The following XYLT1 variants were observed in gnomAD, a reference collection of about 807,000 sequenced individuals.
The protein encoded by XYLT1 is xylosyltransferase 1, also known as beta-D-xylosyltransferase 1.
A neutral mutation model predicts 91.3 loss-of-function variants in XYLT1; 36 were observed. The ratio of observed to expected loss-of-function variants is 0.39; its 90% CI spans 0.30 to 0.52. The LOEUF (loss-of-function observed/expected upper bound fraction) is 0.52. Ranked by LOEUF, XYLT1 falls within the 20% of genes least tolerant of loss-of-function variation. XYLT1 has a pLI of 0.68. For missense variants in XYLT1, 1,242 were observed against 1,284.5 expected (o/e 0.97, Z 0.51); for synonymous variants, 588 against 532.0 (o/e 1.11, Z -1.45).
At chr16:17,228,383 T>C (rs929685727) in intron 3 of XYLT1, among the ~76,000 whole-genome samples, 1 of 152,270 alleles carries the variant, frequency 6.6e-6, no homozygotes, top group Non-Finnish European at 1.5e-5. Context: ...TCTTAATTCC[T>C]GACTTCATTG....
chr16:17,143,832 CCAT>C (rs1328394237), intron 6 of XYLT1, among the ~76,000 whole-genome samples: 26 of 81,742 alleles, frequency 3.2e-4, no homozygotes, highest in Non-Finnish European at 1.5e-4. Context: ...GTCATCACCA[CCAT>C]CGTCATCATC....
intron 6 of XYLT1, among the ~76,000 whole-genome samples, chr16:17,154,124 T>C (rs1464743970): frequency 1.3e-5 from 2 of 152,228 alleles, no homozygotes; most frequent in Admixed American, 6.5e-5. Context: ...CGTGGGGCCT[T>C]CCTGTGGCCA....
chr16:17,346,892 TTC>T (rs1449159214), intron 2 of XYLT1, among the ~76,000 whole-genome samples: 4 of 152,220 alleles, frequency 2.6e-5, no homozygotes, highest in Admixed American at 1.3e-4. Flanking sequence ...TTCCACCCAG[TTC>T]TCTTTTGTTC....
At chr16:17,403,396 A>G (rs2035992373) in intron 1 of XYLT1, 1 of 152,308 alleles carries the variant, frequency 6.6e-6, no homozygotes, top group Non-Finnish European at 1.5e-5. Context: ...TGATAAAGAC[A>G]TACCAGAGAC....
chr16:17,358,247 C>T (rs1443282804), intron 1 of XYLT1, among the ~76,000 whole-genome samples, 197 bp from the exon 2 acceptor site: 1 of 151,900 alleles, frequency 6.6e-6, no homozygotes, highest in Non-Finnish European at 1.5e-5. Flanking sequence ...GATCCTCCCA[C>T]CTCAGCCTCC....
At chr16:17,421,978 C>A (rs191014199) in intron 1 of XYLT1, among the ~76,000 whole-genome samples, 1 of 151,930 alleles carries the variant, frequency 6.6e-6, no homozygotes, top group Non-Finnish European at 1.5e-5. Context: ...GTTAGGTCTA[C>A]GTGTCTGGCT....
chr16:17,381,948 A>G (rs1365420400), intron 1 of XYLT1, among the ~76,000 whole-genome samples: 2 of 151,866 alleles, frequency 1.3e-5, no homozygotes, highest in African/African-American at 4.8e-5. Flanking sequence ...CTGCAAGCCC[A>G]TGAAGCATCT....
rs952892356 is a variant in XYLT1, at chr16:17,103,929, CAAA to C, written c.*4763_*4765del. On this transcript the variant is annotated 3_prime_UTR_variant, in exon 12 of 12. Transcript: ENST00000261381. ...AAACACAAAACAAAACAAAACAAAA[CAAA>C]AAAACTTCTAAGAGAGCCAGAGAGG... The C allele has an allele frequency of 1.3e-5, 2 of 152,756 alleles. No individual in the cohort carries two copies. Among genetic ancestry groups the C allele is most frequent in the Admixed American group, 6.6e-5 (1 of 15,256 alleles). The allele number at this position is 152,756 out of a possible 1,614,324, so 9.5% of individuals were successfully genotyped here.
intron 2 of XYLT1, among the ~76,000 whole-genome samples, chr16:17,328,367 C>T (rs181706480): frequency 2.0e-5 from 3 of 151,504 alleles, no homozygotes; most frequent in African/African-American, 7.3e-5. Context: ...AGCAACATGG[C>T]AAAACCCCGT....
chr16:17,133,922 TAA>T (rs3053266), intron 9 of XYLT1, among the ~76,000 whole-genome samples: 2,296 of 152,296 alleles, frequency 0.015, 58 homozygotes, highest in African/African-American at 0.052. Context: ...TGAATGTTTT[TAA>T]AAGAGTTATT....
intron 1 of XYLT1, among the ~76,000 whole-genome samples, chr16:17,454,693 C>A (rs955729671): frequency 6.6e-6 from 1 of 152,002 alleles, no homozygotes; most frequent in South Asian, 2.1e-4. Flanking sequence ...TCAACCACCA[C>A]ACCCAGCTAT....
intron 5 of XYLT1, 114 bp from the exon 6 acceptor site, chr16:17,159,023 T>C (rs2141541241): frequency 1.1e-6 from 1 of 871,974 alleles, no homozygotes; most frequent in East Asian, 2.5e-5. Flanking sequence ...TCTCTGATCA[T>C]TTGCACACAG....
chr16:17,452,552 CCTTAT>C (rs1475473873), intron 1 of XYLT1, among the ~76,000 whole-genome samples: 1 of 152,022 alleles, frequency 6.6e-6, no homozygotes, highest in African/African-American at 2.4e-5. Context: ...ACAGTTTTAA[CCTTAT>C]CTCAAGTTTT....
intron 2 of XYLT1, among the ~76,000 whole-genome samples, chr16:17,351,994 A>G (rs2035227843): frequency 6.6e-6 from 1 of 152,108 alleles, no homozygotes; most frequent in Non-Finnish European, 1.5e-5. Context: ...AATTACAAAA[A>G]TTAGCATACA....
intron 6 of XYLT1, among the ~76,000 whole-genome samples, chr16:17,142,357 G>A (rs971559514): frequency 6.6e-6 from 1 of 150,918 alleles, no homozygotes; most frequent in Non-Finnish European, 1.5e-5. Context: ...AACACTGAAT[G>A]TATGGTACTA....
intron 5 of XYLT1, among the ~76,000 whole-genome samples, chr16:17,165,389 T>C (rs542829420): frequency 3.3e-5 from 5 of 152,278 alleles, no homozygotes; most frequent in African/African-American, 9.6e-5. Flanking sequence ...CAGGATCCTA[T>C]AGAATGGGCG....
chr16:17,105,838 A>G lies in XYLT1; in HGVS notation c.*2857T>C, dbSNP rs901952441. 1 of 152,118 alleles carries G rather than the reference A, an allele frequency of 6.6e-6. No homozygotes were observed. Among genetic ancestry groups the G allele is most frequent in the Non-Finnish European group, 1.5e-5 (1 of 68,008 alleles). The allele number at this position is 152,118 out of a possible 1,614,324, so 9.4% of individuals were successfully genotyped here. A position where few individuals can be genotyped will look rare whatever the true frequency, so the allele number is the denominator to read the frequency against. ...TCCAACAAATAAATAAATCATTCTCAGGCAGGTTAAAAAAATTATTTTCCC... is the reference window on the plus strand; with the variant it reads ...TCCAACAAATAAATAAATCATTCTCGGGCAGGTTAAAAAAATTATTTTCCC... On this transcript the variant is annotated 3_prime_UTR_variant, in exon 12 of 12. Transcript: ENST00000261381.
In XYLT1 at chr16:17,455,833, A is replaced by T. The variant is rs571032879; in HGVS notation, c.363+14601T>A. On this transcript the variant is annotated intron_variant, in intron 1 of 11. Transcript: ENST00000261381. The stretch of plus-strand genomic sequence containing the variant: ...CTATTAACATAAACAGCATCTGGCA[A>T]AATACATGGCCTTCAACCTACAGCA... Among the ~76,000 whole-genome samples the T allele has an allele frequency of 3.3e-5, 5 of 152,328 alleles. No homozygotes were observed. In the East Asian group the frequency reaches 9.6e-4, roughly 29 times the overall value.
At chr16:17,271,601 T>G (rs946677309) in intron 2 of XYLT1, among the ~76,000 whole-genome samples, 10 of 152,228 alleles carry the variant, frequency 6.6e-5, no homozygotes, top group Admixed American at 6.5e-4. Flanking sequence ...ACTCTTTGTT[T>G]TAGGGGCTAT....
Sources: allele counts gnomAD v4.1 joint callset (sites outside exome capture counted in the v4.1 genomes callset), GRCh38; gene constraint gnomAD v4.1.1; transcripts MANE v1.5; gene names NCBI Gene and HGNC (gene_info 2026-07-23, HGNC 2026-07-21).